Variants in FRMD4A observed in about 807,000 individuals in gnomAD.
FRMD4A encodes FERM domain containing 4A, also known as FERM domain-containing protein 4A.
A neutral mutation model predicts 129.1 loss-of-function variants in FRMD4A; 29 were observed. The observed-to-expected ratio is 0.22, with a 90% CI of 0.17 to 0.31. FRMD4A has a LOEUF of 0.31. Among genes scored for constraint, FRMD4A ranks in the 10% least tolerant of loss-of-function variants. The probability of loss-of-function intolerance (pLI) is 1.00; values close to 1 mark genes in which losing one functional copy is unlikely to be tolerated. For missense variants in FRMD4A, 1,272 were observed against 1,375.8 expected (o/e 0.92, Z 1.19); for synonymous variants, 634 against 571.6 (o/e 1.11, Z -1.56).
At chr10:13,654,666 C>T (rs2081985420) in intron 22 of FRMD4A, 154 bp from the exon 23 acceptor site, 3 of 608,560 alleles carry the variant, frequency 4.9e-6, no homozygotes, top group South Asian at 2.0e-5. Context: ...CTCAGCATCC[C>T]TATGGCATGG....
At chr10:14,144,469 T>C (rs531487149) in intron 2 of FRMD4A, among the ~76,000 whole-genome samples, 3 of 152,218 alleles carry the variant, frequency 2.0e-5, no homozygotes, top group Non-Finnish European at 2.9e-5. Context: ...GTAATTATCT[T>C]TGCTCTGCAT....
At position 14,143,328 on chromosome 10, in the gene FRMD4A, T is replaced by C. The variant is rs555419586; in HGVS notation, c.45+186730A>G. 6.7e-4 allele frequency among the ~76,000 whole-genome samples: 102 copies of C among 152,366 alleles called. 1 individual carries two copies. The South Asian group carries it at 0.021, about 32-fold the overall frequency. The stretch of plus-strand genomic sequence containing the variant: ...CAAGGAAGGAAATCCTGAGACAGGC[T>C]ACACATGGGTGAAACTTGGGGACAT... On this transcript the variant is annotated intron_variant, in intron 2 of 24. Transcript: ENST00000357447.
intron 2 of FRMD4A, among the ~76,000 whole-genome samples, chr10:13,941,185 AT>A (rs915763818): frequency 1.3e-5 from 2 of 152,150 alleles, no homozygotes; most frequent in African/African-American, 2.4e-5. Flanking sequence ...GTGGGAGATA[AT>A]GGAATCATGG....
intron 2 of FRMD4A, among the ~76,000 whole-genome samples, chr10:13,994,490 G>T (rs2010660): frequency 0.29 from 43,369 of 151,720 alleles, 7,345 homozygotes; most frequent in East Asian, 0.73. Context: ...GCCCAGCTAA[G>T]TTTTGTACTT....
At chr10:14,176,590 T>C (rs1468171186) in intron 2 of FRMD4A, among the ~76,000 whole-genome samples, 1 of 148,334 alleles carries the variant, frequency 6.7e-6, no homozygotes, top group Non-Finnish European at 1.5e-5. Context: ...TTCTTCTGCC[T>C]CAGCCTCCCG....
intron 2 of FRMD4A, among the ~76,000 whole-genome samples, chr10:14,248,927 G>C (rs1844338076): frequency 6.6e-6 from 1 of 152,158 alleles, no homozygotes. Flanking sequence ...GAAACAATTG[G>C]TAAGGATTCT....
intron 2 of FRMD4A, among the ~76,000 whole-genome samples, chr10:14,124,052 G>A (rs150602818): frequency 6.2e-4 from 95 of 152,278 alleles, no homozygotes; most frequent in African/African-American, 2.1e-3. Flanking sequence ...ACTCACATGA[G>A]TAACACTTCT....
intron 2 of FRMD4A, among the ~76,000 whole-genome samples, chr10:13,981,030 T>C (rs910071950): frequency 2.6e-5 from 4 of 152,252 alleles, no homozygotes; most frequent in African/African-American, 9.6e-5. Flanking sequence ...AGACTACTGC[T>C]GAAGAATTTA....
intron 3 of FRMD4A, among the ~76,000 whole-genome samples, chr10:13,822,580 G>C (rs1386071340): frequency 6.6e-6 from 1 of 152,196 alleles, no homozygotes; most frequent in Admixed American, 6.5e-5. Context: ...AGACAGGATG[G>C]AACCTGGACA....
chr10:13,786,162 G>A (rs1161514039), intron 5 of FRMD4A, among the ~76,000 whole-genome samples: 1 of 152,134 alleles, frequency 6.6e-6, no homozygotes, highest in Non-Finnish European at 1.5e-5. Context: ...GGGTCAAATG[G>A]TATTTCTAAT....
Position 13,646,719 on chromosome 10 carries a change from G to T in FRMD4A, c.*319C>A, listed in dbSNP as rs1266707269. 6.5e-6 allele frequency: 1 copy of T among 152,694 alleles called. No individual in the cohort carries two copies. Among genetic ancestry groups the T allele is most frequent in the Non-Finnish European group, 1.5e-5 (1 of 68,096 alleles). 9.5% of individuals were successfully genotyped at this position (152,694 alleles called of 1,614,324 possible). A position where few individuals can be genotyped will look rare whatever the true frequency, so the allele number is the denominator to read the frequency against. The stretch of plus-strand genomic sequence containing the variant: ...TGAGGATTGGTGTCTGGCTCTCTAT[G>T]GGCAAGAGCGCCAGGGGACACACAG... On this transcript the variant is annotated 3_prime_UTR_variant, in exon 25 of 25. Coordinates refer to ENST00000357447, the MANE Select transcript of FRMD4A (RefSeq NM_018027.5).
intron 13 of FRMD4A, among the ~76,000 whole-genome samples, chr10:13,702,496 T>C (rs2086925779): frequency 6.6e-6 from 1 of 151,878 alleles, no homozygotes; most frequent in African/African-American, 2.4e-5. Context: ...TTTTATAGGA[T>C]AGGCAGATTA....
Position 13,858,918 on chromosome 10 carries a change from A to G in FRMD4A, c.46-6T>C. Reference sequence around the variant, plus strand: ...CATCGGCGGCCCTCCGTCATCTAAGAGGGAAGAGAAATGGTAGTCACTGAG... The same window carrying G: ...CATCGGCGGCCCTCCGTCATCTAAGGGGGAAGAGAAATGGTAGTCACTGAG... On this transcript the variant is annotated splice_region_variant and splice_polypyrimidine_tract_variant and intron_variant, in intron 2 of 24. Coordinates refer to ENST00000357447, the MANE Select transcript of FRMD4A (RefSeq NM_018027.5). 1 of 1,572,752 alleles carries G rather than the reference A, an allele frequency of 6.4e-7. No homozygotes were observed. Among genetic ancestry groups the G allele is most frequent in the East Asian group, 2.2e-5 (1 of 44,684 alleles).
chr10:14,242,558 T>C (rs1228535866), intron 2 of FRMD4A, among the ~76,000 whole-genome samples: 1 of 152,230 alleles, frequency 6.6e-6, no homozygotes, highest in African/African-American at 2.4e-5. Flanking sequence ...TGTGTTCACA[T>C]TGTTCTTTGT....
chr10:13,668,994 A>G (rs1166328602), intron 17 of FRMD4A, among the ~76,000 whole-genome samples: 5 of 148,484 alleles, frequency 3.4e-5, no homozygotes, highest in African/African-American at 5.0e-5. Context: ...TCCCAGGGAC[A>G]CCCCAAGAAG....
intron 2 of FRMD4A, among the ~76,000 whole-genome samples, chr10:13,960,237 A>T (rs866442390): frequency 1.3e-5 from 2 of 152,222 alleles, no homozygotes; most frequent in South Asian, 2.1e-4. Flanking sequence ...GCCTTCATTG[A>T]ATTTCCCCTG....
At chr10:14,174,534 G>GTTCGTTCA (rs1554776897) in intron 2 of FRMD4A, among the ~76,000 whole-genome samples, 6 of 150,402 alleles carry the variant, frequency 4.0e-5, no homozygotes, top group African/African-American at 1.5e-4. Context: ...GCGTTTGTTC[G>GTTCGTTCA]TTCATTCATT....
intron 2 of FRMD4A, among the ~76,000 whole-genome samples, chr10:14,309,910 G>A (rs549313567): frequency 3.4e-4 from 51 of 151,958 alleles, no homozygotes; most frequent in Non-Finnish European, 6.8e-4. Context: ...ATCCCTTCTG[G>A]CCTGAGTCCC....
intron 2 of FRMD4A, among the ~76,000 whole-genome samples, chr10:14,256,606 G>A (rs1178009225): frequency 5.3e-5 from 8 of 152,104 alleles, no homozygotes. Context: ...TAACATACAT[G>A]CTTATAAAAC....
Sources: allele counts gnomAD v4.1 joint callset (sites outside exome capture counted in the v4.1 genomes callset), GRCh38; gene constraint gnomAD v4.1.1; transcripts MANE v1.5; gene names NCBI Gene and HGNC (gene_info 2026-07-23, HGNC 2026-07-21).